C2orf76: variants seen among roughly 807,000 people sequenced by gnomAD.
C2orf76 encodes the protein UPF0538 protein C2orf76.
A neutral mutation model predicts 16.9 loss-of-function variants in C2orf76; 23 were observed. That is an observed-to-expected ratio of 1.36 (90% CI 0.98 to 1.93). C2orf76 has a LOEUF of 1.93. Ranked by LOEUF, C2orf76 falls within the 30% of genes most tolerant of loss-of-function variation. C2orf76 has a pLI of 0.00. For missense variants in C2orf76, 152 were observed against 152.6 expected, an observed-to-expected ratio of 1.00 and a Z score of 0.02; for synonymous variants, 48 against 52.3, an observed-to-expected ratio of 0.92 and a Z score of 0.35.
At chr2:119,359,367 T>A (rs183018065) in intron 1 of C2orf76, among the ~76,000 whole-genome samples, 4 of 152,340 alleles carry the variant, frequency 2.6e-5, no homozygotes, top group Admixed American at 1.3e-4. Flanking sequence ...CTGAAGCTTA[T>A]GGATCAAGAA....
At chr2:119,314,399 C>A (rs891096713) in intron 4 of C2orf76, among the ~76,000 whole-genome samples, 3 of 152,098 alleles carry the variant, frequency 2.0e-5, no homozygotes, top group Non-Finnish European at 4.4e-5. Context: ...AAGAAAAATA[C>A]ATGGATTCAA....
At chr2:119,362,918 G>A (rs536043663) in intron 1 of C2orf76, among the ~76,000 whole-genome samples, 2 of 152,118 alleles carry the variant, frequency 1.3e-5, no homozygotes, top group East Asian at 1.9e-4. Flanking sequence ...CTCTGAAGAC[G>A]AACACCCAAA....
chr2:119,353,703 C>T (rs990482277), intron 1 of C2orf76, among the ~76,000 whole-genome samples: 65 of 151,854 alleles, frequency 4.3e-4, no homozygotes, highest in African/African-American at 1.3e-3. Context: ...GCTGGGACTA[C>T]GGGCACACGC....
intron 4 of C2orf76, among the ~76,000 whole-genome samples, chr2:119,313,367 T>C (rs1459882879): frequency 6.6e-6 from 1 of 151,946 alleles, no homozygotes; most frequent in Non-Finnish European, 1.5e-5. Context: ...GCAAGAGGAC[T>C]GTTTGAGCCC....
At chr2:119,328,738 T>A (rs1397914979) in intron 2 of C2orf76, among the ~76,000 whole-genome samples, 1 of 152,182 alleles carries the variant, frequency 6.6e-6, no homozygotes, top group Non-Finnish European at 1.5e-5. Flanking sequence ...ACTATAGACT[T>A]TCTTTTAAAT....
intron 2 of C2orf76, among the ~76,000 whole-genome samples, chr2:119,322,900 A>T (rs1679392311): frequency 6.6e-6 from 1 of 152,190 alleles, no homozygotes; most frequent in Non-Finnish European, 1.5e-5. Context: ...CAGAGACCAG[A>T]AGGGTAAAGG....
At chr2:119,319,421 T>C (rs535367256) in intron 3 of C2orf76, among the ~76,000 whole-genome samples, 1 of 152,288 alleles carries the variant, frequency 6.6e-6, no homozygotes, top group South Asian at 2.1e-4. Context: ...TCTTGCTTCT[T>C]TCAAATAATC....
chr2:119,296,243 G>A, the C2orf76 span, among the ~76,000 whole-genome samples: 2 of 152,166 alleles, frequency 1.3e-5, no homozygotes, highest in African/African-American at 4.8e-5. Context: ...CCACTGTCTT[G>A]ATGGTGGAGT....
chr2:119,293,992 G>C, the C2orf76 span, among the ~76,000 whole-genome samples: 1 of 152,150 alleles, frequency 6.6e-6, no homozygotes, highest in Non-Finnish European at 1.5e-5. Context: ...GCGGGCAGCT[G>C]GGCTGTGGAC....
chr2:119,301,474 T>A (rs796299331), downstream of C2orf76, among the ~76,000 whole-genome samples: 1 of 152,048 alleles, frequency 6.6e-6, no homozygotes, highest in Non-Finnish European at 1.5e-5. Flanking sequence ...CAAGGAGCAA[T>A]GGCAGAGCCG....
At chr2:119,317,440 C>T in intron 4 of C2orf76, 26 bp downstream of exon 4, 1 of 1,549,924 alleles carries the variant, frequency 6.5e-7, no homozygotes, top group Admixed American at 1.8e-5. Context: ...TTGCTATGTG[C>T]CAGATACTGT....
intron 2 of C2orf76, among the ~76,000 whole-genome samples, chr2:119,326,127 T>C (rs1558784433): frequency 6.6e-6 from 1 of 152,242 alleles, no homozygotes; most frequent in Non-Finnish European, 1.5e-5. Context: ...TTATGCTTAT[T>C]GTGCTGTATT....
chr2:119,327,130 T>C (rs949566806), intron 2 of C2orf76, among the ~76,000 whole-genome samples: 5 of 152,202 alleles, frequency 3.3e-5, no homozygotes, highest in Non-Finnish European at 1.5e-5. Context: ...CCCTGCTTCC[T>C]TATTTTAGGA....
the C2orf76 span, among the ~76,000 whole-genome samples, chr2:119,282,957 GC>G: frequency 6.6e-6 from 1 of 152,204 alleles, no homozygotes; most frequent in Non-Finnish European, 1.5e-5. Flanking sequence ...GCTCCTCTAA[GC>G]CCCTCCTGAA....
intron 5 of C2orf76, among the ~76,000 whole-genome samples, chr2:119,309,645 C>T (rs1678919164): frequency 6.6e-6 from 1 of 151,930 alleles, no homozygotes; most frequent in Non-Finnish European, 1.5e-5. Flanking sequence ...GTCTCGAATT[C>T]CTGACCTCAA....
At chr2:119,362,742 C>A (rs571125547) in intron 1 of C2orf76, among the ~76,000 whole-genome samples, 1 of 152,262 alleles carries the variant, frequency 6.6e-6, no homozygotes, top group South Asian at 2.1e-4. Flanking sequence ...GCCTAGGATA[C>A]TTCCCTATCA....
intron 1 of C2orf76, among the ~76,000 whole-genome samples, chr2:119,344,060 A>G (rs759032400): frequency 7.9e-5 from 12 of 152,262 alleles, no homozygotes; most frequent in Non-Finnish European, 1.6e-4. Flanking sequence ...CACTTAATAA[A>G]AAGCTGCCCA....
At chr2:119,336,247 G>A (rs949845699) in intron 2 of C2orf76, among the ~76,000 whole-genome samples, 4 of 151,856 alleles carry the variant, frequency 2.6e-5, no homozygotes, top group African/African-American at 4.8e-5. Flanking sequence ...TATAAAATTA[G>A]CCAGGCATAG....
intron 4 of C2orf76, among the ~76,000 whole-genome samples, chr2:119,312,763 C>T (rs1254820102): frequency 6.6e-6 from 1 of 152,172 alleles, no homozygotes; most frequent in Non-Finnish European, 1.5e-5. Flanking sequence ...TGCGGTGGCT[C>T]ATGCCTGTAA....
Sources: gnomAD v4.1 joint callset for allele counts (sites outside exome capture counted in the v4.1 genomes callset) on GRCh38, gnomAD v4.1.1 for gene constraint, MANE v1.5 for transcripts, NCBI Gene and HGNC (gene_info 2026-07-23, HGNC 2026-07-21) for gene names.